Variants in TNFRSF8 observed in about 807,000 individuals in gnomAD.
TNFRSF8 encodes the protein tumor necrosis factor receptor superfamily member 8.
A neutral mutation model predicts 70.8 loss-of-function variants in TNFRSF8; 26 were observed. That is an observed-to-expected ratio of 0.37 (90% CI 0.27 to 0.51). TNFRSF8 has a LOEUF of 0.51. TNFRSF8 is among the 20% of genes least tolerant of loss of function. The probability of loss-of-function intolerance (pLI) is 0.94; values close to 1 mark genes in which losing one functional copy is unlikely to be tolerated. For synonymous variants in TNFRSF8, 356 were observed against 339.2 expected (o/e 1.05, Z -0.54); for missense variants, 720 against 807.9 (o/e 0.89, Z 1.32).
rs1641617013 is a variant in TNFRSF8, at chr1:12,110,847, C to G, written c.676+643C>G. On this transcript the variant is annotated intron_variant, in intron 6 of 14. Transcript: ENST00000263932. The surrounding 1 kb of genome is among the most constrained non-coding windows in gnomAD (Gnocchi z 4.0). Reference sequence around the variant, plus strand: ...TCCCGACCTCAGGTGATCCGCCCACCTCGGCCTCCCAAAGTGCTGGGAGGA... The same window carrying G: ...TCCCGACCTCAGGTGATCCGCCCACGTCGGCCTCCCAAAGTGCTGGGAGGA... Among the ~76,000 whole-genome samples, 1 of 139,308 alleles carries G rather than the reference C, an allele frequency of 7.2e-6. No individual in the cohort carries two copies. The highest frequency in any genetic ancestry group is 2.5e-4 in the South Asian group (1 of 4,074). 91.4% of individuals were successfully genotyped at this position (139,308 alleles called of 152,430 possible).
At position 12,097,142 on chromosome 1, in the gene TNFRSF8, TG is replaced by T; in HGVS notation, c.194del (p.Cys65SerfsTer21). On this transcript the variant is annotated frameshift_variant, in exon 3 of 15. Coordinates refer to ENST00000263932, the MANE Select transcript of TNFRSF8 (RefSeq NM_001243.5). LOFTEE classifies it high-confidence loss of function. ...TQQCPQRPTD[C>X]RKQCEPDYYL... ...GCAGTGCCCACAGAGGCCTACTGACTGCAGGAAGCAGTGTGAGCCTGACTAC... is the reference window on the plus strand; with the variant it reads ...GCAGTGCCCACAGAGGCCTACTGACTCAGGAAGCAGTGTGAGCCTGACTAC... The T allele has an allele frequency of 6.2e-7, 1 of 1,614,130 alleles. No individual in the cohort carries two copies. Among genetic ancestry groups the T allele is most frequent in the Non-Finnish European group, 8.5e-7 (1 of 1,179,998 alleles).
intron 2 of TNFRSF8, among the ~76,000 whole-genome samples, chr1:12,084,978 G>A (rs1290034617): frequency 6.6e-6 from 1 of 152,184 alleles, no homozygotes; most frequent in Non-Finnish European, 1.5e-5. Context: ...CACACAGTTG[G>A]GAAATGGTGG....
chr1:12,106,348 C>T (rs1234438787), intron 4 of TNFRSF8, among the ~76,000 whole-genome samples: 5 of 152,148 alleles, frequency 3.3e-5, no homozygotes, highest in Non-Finnish European at 7.3e-5. Flanking sequence ...AAATCCTACT[C>T]AGCCCTGAGC....
chr1:12,093,057 C>T (rs944550413), intron 2 of TNFRSF8, among the ~76,000 whole-genome samples: 2 of 152,146 alleles, frequency 1.3e-5, no homozygotes, highest in African/African-American at 2.4e-5. Context: ...CTGCCCGCCT[C>T]GGCCTCCCAA....
chr1:12,105,309 T>C (rs141672767), intron 4 of TNFRSF8, among the ~76,000 whole-genome samples: 2,374 of 152,292 alleles, frequency 0.016, 34 homozygotes, highest in Non-Finnish European at 0.026. Context: ...TGCCCTGTTG[T>C]GCAAACCTGG....
chr1:12,121,464 C>T (rs563931267), intron 8 of TNFRSF8, among the ~76,000 whole-genome samples: 1 of 152,176 alleles, frequency 6.6e-6, no homozygotes, highest in Non-Finnish European at 1.5e-5. Flanking sequence ...GCATAACCCA[C>T]TTCTAATGTG....
chr1:12,087,095 ATCCATCCATCCATCCAT>A, intron 2 of TNFRSF8, among the ~76,000 whole-genome samples: 1 of 105,334 alleles, frequency 9.5e-6, no homozygotes. Flanking sequence ...CCATCCATCC[ATCCATCCATCCATCCAT>A]CCATCCATCC....
chr1:12,106,059 G>A (rs1047089776), intron 4 of TNFRSF8, among the ~76,000 whole-genome samples: 2 of 150,862 alleles, frequency 1.3e-5, no homozygotes, highest in African/African-American at 4.9e-5. Context: ...CATTTATTTT[G>A]TACATAATGT....
intron 11 of TNFRSF8, 35 bp downstream of exon 11, chr1:12,126,087 C>T (rs1641933754): frequency 1.9e-6 from 3 of 1,611,980 alleles, no homozygotes; most frequent in Non-Finnish European, 1.7e-6. Context: ...TTGGGGAGGA[C>T]AGGTTGCTCT....
chr1:12,128,252 G>A (rs559662744), intron 12 of TNFRSF8, among the ~76,000 whole-genome samples: 1 of 152,342 alleles, frequency 6.6e-6, no homozygotes, highest in African/African-American at 2.4e-5. Context: ...GACTAATTCC[G>A]ACTGCCCGCA....
chr1:12,126,841 G>C (rs889370466), intron 12 of TNFRSF8, among the ~76,000 whole-genome samples: 1 of 152,210 alleles, frequency 6.6e-6, no homozygotes, highest in Non-Finnish European at 1.5e-5. Flanking sequence ...CGTCGAGGTC[G>C]GGCTGTTAAG....
chr1:12,080,558 T>C (rs1322889030), intron 1 of TNFRSF8: 2 of 382,240 alleles, frequency 5.2e-6, no homozygotes, highest in Admixed American at 3.3e-5. Flanking sequence ...TTAATACCTA[T>C]TTTTATTTAT....
intron 1 of TNFRSF8, among the ~76,000 whole-genome samples, chr1:12,083,243 G>A (rs951489080): frequency 9.2e-5 from 14 of 152,228 alleles, no homozygotes; most frequent in African/African-American, 3.4e-4. Context: ...TAGAAGCCTG[G>A]ATGGAGAATC....
chr1:12,087,602 T>A (rs1310431827), intron 2 of TNFRSF8, among the ~76,000 whole-genome samples: 1 of 152,180 alleles, frequency 6.6e-6, no homozygotes, highest in Non-Finnish European at 1.5e-5. Flanking sequence ...TGGTTCCCAC[T>A]CAGTTCTCTC....
At chr1:12,114,219 C>G (rs144270640) in intron 7 of TNFRSF8, among the ~76,000 whole-genome samples, 255 of 152,226 alleles carry the variant, frequency 1.7e-3, no homozygotes, top group Non-Finnish European at 3.0e-3. Flanking sequence ...TCCTCTGCTG[C>G]AAAATGGGCA....
chr1:12,103,578 T>C (rs1641462728), intron 3 of TNFRSF8, among the ~76,000 whole-genome samples: 1 of 151,850 alleles, frequency 6.6e-6, no homozygotes. Flanking sequence ...CAAGCGATCC[T>C]CCCGCCTCAG....
chr1:12,132,830 T>C, intron 12 of TNFRSF8, among the ~76,000 whole-genome samples: 1 of 94,564 alleles, frequency 1.1e-5, no homozygotes, highest in African/African-American at 4.1e-5. Context: ...AGAGCGAGAC[T>C]CCATCTCAAA....
intron 14 of TNFRSF8, among the ~76,000 whole-genome samples, chr1:12,139,794 C>T (rs886653320): frequency 2.0e-5 from 3 of 152,148 alleles, no homozygotes; most frequent in African/African-American, 7.2e-5. Context: ...GTCATCATGC[C>T]TGGCTAATTT....
At chr1:12,079,895 T>C (rs1424791019) in intron 1 of TNFRSF8, among the ~76,000 whole-genome samples, 3 of 152,170 alleles carry the variant, frequency 2.0e-5, no homozygotes, top group Non-Finnish European at 4.4e-5. Flanking sequence ...TCACTCTCTT[T>C]ACATATACTT....
Sources: allele counts gnomAD v4.1 joint callset (sites outside exome capture counted in the v4.1 genomes callset), GRCh38; gene constraint gnomAD v4.1.1; non-coding constraint Gnocchi (gnomAD v3.1); transcripts MANE v1.5; gene names NCBI Gene and HGNC (gene_info 2026-07-23, HGNC 2026-07-21).